RGS8: variants seen among roughly 807,000 people sequenced by gnomAD.
RGS8 encodes the protein regulator of G-protein signaling 8.
A neutral mutation model predicts 21.7 loss-of-function variants in RGS8; 8 were observed. The observed-to-expected ratio is 0.37, with a 90% CI of 0.22 to 0.66. The LOEUF is 0.66. Ranked by LOEUF, RGS8 falls within the 30% of genes least tolerant of loss-of-function variation. RGS8 has a pLI of 0.59. For missense variants in RGS8, 157 were observed against 217.9 expected (o/e 0.72, Z 1.76); for synonymous variants, 80 against 83.6 (o/e 0.96, Z 0.24).
chr1:182,709,381 C>A, the RGS8 span, among the ~76,000 whole-genome samples: 1 of 152,188 alleles, frequency 6.6e-6, no homozygotes, highest in Admixed American at 6.5e-5. Context: ...CACACACACA[C>A]ATCCTTTCCA....
At chr1:182,750,792 CTA>C in the RGS8 span, among the ~76,000 whole-genome samples, 2 of 151,800 alleles carry the variant, frequency 1.3e-5, no homozygotes, top group South Asian at 4.2e-4. Context: ...AGACTAGATA[CTA>C]TCTAGACTCT....
chr1:182,654,468 G>T (rs1033024368), intron 5 of RGS8, among the ~76,000 whole-genome samples: 4 of 152,204 alleles, frequency 2.6e-5, no homozygotes, highest in Non-Finnish European at 5.9e-5. Context: ...TTATTAATTT[G>T]GGATAAGGTC....
intron 5 of RGS8, among the ~76,000 whole-genome samples, chr1:182,648,531 C>T (rs1324146591): frequency 3.3e-5 from 5 of 151,978 alleles, no homozygotes; most frequent in East Asian, 3.9e-4. Flanking sequence ...GTCATGAGTT[C>T]GAGACCAGCC....
chr1:182,671,783 G>A (rs943877574), intron 1 of RGS8, 53 bp from the exon 3 acceptor site: 6 of 1,609,428 alleles, frequency 3.7e-6, no homozygotes, highest in Non-Finnish European at 5.1e-6. Flanking sequence ...GCGAGTGAAG[G>A]GCATGTGTGC....
chr1:182,696,417 T>A, the RGS8 span, among the ~76,000 whole-genome samples: 2 of 152,172 alleles, frequency 1.3e-5, no homozygotes, highest in African/African-American at 4.8e-5. Context: ...GAATGTAGTG[T>A]CATGATCTTG....
the RGS8 span, among the ~76,000 whole-genome samples, chr1:182,724,246 A>ATGTATATATATATATATC: frequency 1.9e-5 from 2 of 107,176 alleles, no homozygotes; most frequent in East Asian, 6.0e-4. Context: ...ATATATATAT[A>ATGTATATATATATATATC]TCCTATTATT....
At chr1:182,722,375 A>C in the RGS8 span, among the ~76,000 whole-genome samples, 2 of 151,478 alleles carry the variant, frequency 1.3e-5, no homozygotes, top group African/African-American at 4.8e-5. Context: ...AAAAAAAAAA[A>C]AAAAAAAAAA....
chr1:182,699,540 A>G, the RGS8 span, among the ~76,000 whole-genome samples: 3 of 152,218 alleles, frequency 2.0e-5, no homozygotes, highest in Non-Finnish European at 4.4e-5. Flanking sequence ...ACATTTTACA[A>G]AACAGGCTAG....
chr1:182,666,954 G>A lies in RGS8; in HGVS notation c.46C>T (p.Arg16Ter). 1 of 1,613,880 alleles carries A rather than the reference G, an allele frequency of 6.2e-7. No individual in the cohort carries two copies. Among genetic ancestry groups the A allele is most frequent in the South Asian group, 1.1e-5 (1 of 91,066 alleles). The change falls in exon 4 of 7, where the codon CGA becomes TGA. Residue 16 changes from arginine (R) to a stop codon, truncating the protein, a stop_gained. Coordinates refer to ENST00000483095, the Ensembl canonical transcript of RGS8. LOFTEE classifies it high-confidence loss of function. The stretch of plus-strand genomic sequence containing the variant: ...GACTTGTGAGACAGGCATCCCAGTC[G>A]AGTCCTCATCCCTTTGTTCCTGCAA...
At chr1:182,722,532 C>G in the RGS8 span, among the ~76,000 whole-genome samples, 1 of 152,132 alleles carries the variant, frequency 6.6e-6, no homozygotes, top group African/African-American at 2.4e-5. Context: ...CCTGGTGGCT[C>G]TTTCTATGCA....
chr1:182,691,548 C>T, the RGS8 span, among the ~76,000 whole-genome samples: 1 of 133,434 alleles, frequency 7.5e-6, no homozygotes, highest in Non-Finnish European at 1.6e-5. Flanking sequence ...ACAGAAACCA[C>T]ATGATCATCT....
At chr1:182,716,466 T>C in the RGS8 span, among the ~76,000 whole-genome samples, 1 of 148,890 alleles carries the variant, frequency 6.7e-6, no homozygotes, top group Non-Finnish European at 1.5e-5. Flanking sequence ...GTATTGCTAT[T>C]TTTTATTGTT....
At chr1:182,709,262 TC>T in the RGS8 span, among the ~76,000 whole-genome samples, 1 of 152,204 alleles carries the variant, frequency 6.6e-6, no homozygotes, top group Non-Finnish European at 1.5e-5. Flanking sequence ...AGCCCTCCTG[TC>T]TTTGCTCACC....
At chr1:182,660,118 T>G (rs1001783630) in intron 5 of RGS8, among the ~76,000 whole-genome samples, 2 of 152,194 alleles carry the variant, frequency 1.3e-5, no homozygotes, top group South Asian at 4.1e-4. Flanking sequence ...ATAATTAGAA[T>G]AGTTATTTTT....
the RGS8 span, among the ~76,000 whole-genome samples, chr1:182,752,373 G>T: frequency 6.6e-6 from 1 of 152,184 alleles, no homozygotes; most frequent in South Asian, 2.1e-4. Context: ...GCATTTCCTG[G>T]TATGGGAAGC....
chr1:182,680,244 T>C (rs1007000675), intron 1 of RGS8, among the ~76,000 whole-genome samples: 10 of 152,278 alleles, frequency 6.6e-5, no homozygotes, highest in East Asian at 1.9e-4. Context: ...TTAAGAAGGA[T>C]CCTGATACAC....
At chr1:182,706,214 G>T in the RGS8 span, among the ~76,000 whole-genome samples, 15 of 151,342 alleles carry the variant, frequency 9.9e-5, no homozygotes, top group Non-Finnish European at 1.6e-4. Flanking sequence ...CAAACTCCTG[G>T]ACTCAAGTGA....
the RGS8 span, among the ~76,000 whole-genome samples, chr1:182,690,056 C>T: frequency 2.6e-5 from 4 of 152,182 alleles, no homozygotes; most frequent in Non-Finnish European, 5.9e-5. Flanking sequence ...CAAATCCCAG[C>T]TCAGCCACTT....
At chr1:182,730,124 C>G in the RGS8 span, among the ~76,000 whole-genome samples, 1 of 152,128 alleles carries the variant, frequency 6.6e-6, no homozygotes, top group African/African-American at 2.4e-5. Flanking sequence ...ACTTCCCCAA[C>G]CTTCCTTTTC....
Sources: gnomAD v4.1 joint callset for allele counts (sites outside exome capture counted in the v4.1 genomes callset) on GRCh38, gnomAD v4.1.1 for gene constraint, MANE v1.5 for transcripts, NCBI Gene and HGNC (gene_info 2026-07-23, HGNC 2026-07-21) for gene names.